Variants in PTPRG observed in about 807,000 individuals in gnomAD.
PTPRG encodes the protein receptor-type tyrosine-protein phosphatase gamma.
In PTPRG, 102 loss-of-function variants were observed where a neutral mutation model predicts 165.3. That is an observed-to-expected ratio of 0.62 (90% CI 0.53 to 0.73). The LOEUF (loss-of-function observed/expected upper bound fraction) is 0.73. PTPRG is among the 30% of genes least tolerant of loss of function. The probability of loss-of-function intolerance (pLI) is 0.00; values close to 1 mark genes in which losing one functional copy is unlikely to be tolerated. For missense variants in PTPRG, 1,866 were observed against 1,861.4 expected, an observed-to-expected ratio of 1.00 and a Z score of -0.05; for synonymous variants, 675 against 669.5, an observed-to-expected ratio of 1.01 and a Z score of -0.13.
At chr3:61,739,855 C>G (rs1277824909) in intron 1 of PTPRG, among the ~76,000 whole-genome samples, 2 of 152,206 alleles carry the variant, frequency 1.3e-5, no homozygotes, top group African/African-American at 4.8e-5. Context: ...TGACTCTTCT[C>G]TAAAGAGCTA....
At chr3:62,062,887 C>A (rs1224550253) in intron 4 of PTPRG, among the ~76,000 whole-genome samples, 1 of 152,160 alleles carries the variant, frequency 6.6e-6, no homozygotes, top group African/African-American at 2.4e-5. Flanking sequence ...CTCCTGAACT[C>A]AAGCTATCTG....
At position 61,561,800 on chromosome 3, in the gene PTPRG, T is replaced by G. The variant is rs1271430793; in HGVS notation, c.-488T>G. On this transcript the variant is annotated 5_prime_UTR_variant, in exon 1 of 30. Transcript: ENST00000474889. ...CCCCTTCCCCTCTCGCAAACATGCCTCCTTCCTTCCCGGGGCCCTGGAAGG... is the reference window on the plus strand; with the variant it reads ...CCCCTTCCCCTCTCGCAAACATGCCGCCTTCCTTCCCGGGGCCCTGGAAGG... 6.7e-6 allele frequency: 1 copy of G among 149,310 alleles called. No homozygotes were observed. Among genetic ancestry groups the G allele is most frequent in the Non-Finnish European group, 1.5e-5 (1 of 67,534 alleles). The allele number at this position is 149,310 out of a possible 1,614,324, so 9.2% of individuals were successfully genotyped here.
rs921060937 is a variant in PTPRG, at chr3:62,169,680, G to A, written c.1033+1517G>A. On this transcript the variant is annotated intron_variant, in intron 8 of 29. Coordinates refer to ENST00000474889, the MANE Select transcript of PTPRG (RefSeq NM_002841.4). ...AAAAGAAGGAATTTTCTTTTGGTGC[G>A]AAAAGGGATATTTCCCAACCCAGTG... is the stretch of plus-strand genomic sequence containing the variant. Among the ~76,000 whole-genome samples the A allele has an allele frequency of 3.3e-5, 5 of 152,204 alleles. 1 individual carries two copies. The highest frequency in any genetic ancestry group is 2.1e-4 in the South Asian group (1 of 4,814).
intron 5 of PTPRG, among the ~76,000 whole-genome samples, chr3:62,110,032 C>A (rs1165210420): frequency 6.8e-6 from 1 of 147,062 alleles, no homozygotes; most frequent in African/African-American, 2.5e-5. Context: ...GGGCCCTCTT[C>A]TGAGTTCTTA....
rs1413332861 is a variant in PTPRG, at chr3:62,237,859, C to T, written c.2376-5948C>T. ...ATACAGATTTGATCAGCTACTATCA[C>T]ACATTACCCTCTGGACTTCCAATCA... On this transcript the variant is annotated intron_variant, in intron 14 of 29. Transcript: ENST00000474889. The surrounding 1 kb of genome is among the most constrained non-coding windows in gnomAD (Gnocchi z 4.5). Among the ~76,000 whole-genome samples, 2 of 152,198 alleles carry T rather than the reference C, an allele frequency of 1.3e-5. No individual in the cohort carries two copies. Among genetic ancestry groups the T allele is most frequent in the East Asian group, 3.9e-4 (2 of 5,188 alleles).
At chr3:62,086,220 A>C (rs1036420859) in intron 5 of PTPRG, among the ~76,000 whole-genome samples, 1 of 151,942 alleles carries the variant, frequency 6.6e-6, no homozygotes, top group Non-Finnish European at 1.5e-5. Context: ...TAACTATCCC[A>C]AAAGAGTCTT....
At chr3:61,857,788 A>G (rs2037154344) in intron 2 of PTPRG, among the ~76,000 whole-genome samples, 1 of 152,090 alleles carries the variant, frequency 6.6e-6, no homozygotes, top group Non-Finnish European at 1.5e-5. Flanking sequence ...TCTGCAATCA[A>G]ATATGGCTTT....
intron 1 of PTPRG, among the ~76,000 whole-genome samples, chr3:61,581,195 C>T (rs1484801008): frequency 6.6e-6 from 1 of 152,198 alleles, no homozygotes; most frequent in Admixed American, 6.5e-5. Context: ...TCAGTTAGTT[C>T]TAGCCTGGAG....
chr3:61,783,592 G>A (rs2034607037), intron 2 of PTPRG, among the ~76,000 whole-genome samples: 1 of 152,160 alleles, frequency 6.6e-6, no homozygotes, highest in Non-Finnish European at 1.5e-5. Flanking sequence ...TGCTGTGGTT[G>A]AGGAGGGTTG....
chr3:61,599,879 C>T (rs1388748026), intron 1 of PTPRG, among the ~76,000 whole-genome samples: 1 of 151,822 alleles, frequency 6.6e-6, no homozygotes, highest in Non-Finnish European at 1.5e-5. Flanking sequence ...AATAGAATGG[C>T]TGGGCAGGGT....
intron 2 of PTPRG, among the ~76,000 whole-genome samples, chr3:61,895,659 G>C (rs1334121111): frequency 6.6e-6 from 1 of 152,160 alleles, no homozygotes; most frequent in South Asian, 2.1e-4. Context: ...AAATATGTTT[G>C]TTGGGCTTCT....
intron 2 of PTPRG, among the ~76,000 whole-genome samples, chr3:61,950,560 G>T (rs1044260775): frequency 3.3e-5 from 5 of 151,470 alleles, no homozygotes; most frequent in African/African-American, 7.3e-5. Context: ...GCCTTAAATG[G>T]TTTTTTTTTA....
At chr3:62,094,838 G>A (rs1440699142) in intron 5 of PTPRG, among the ~76,000 whole-genome samples, 6 of 152,218 alleles carry the variant, frequency 3.9e-5, no homozygotes, top group Admixed American at 3.3e-4. Flanking sequence ...TAGAAGCCCA[G>A]AAGCAGTTCT....
chr3:62,078,764 T>A (rs1044673053), intron 5 of PTPRG, among the ~76,000 whole-genome samples: 1 of 152,222 alleles, frequency 6.6e-6, no homozygotes, highest in Admixed American at 6.5e-5. Flanking sequence ...CCTTCTGTCC[T>A]CTCTTTTAAT....
chr3:62,017,847 T>C (rs1001717532), intron 4 of PTPRG, among the ~76,000 whole-genome samples: 3 of 152,228 alleles, frequency 2.0e-5, no homozygotes, highest in Non-Finnish European at 4.4e-5. Context: ...TTGAGAGCTG[T>C]TAATATGTAC....
At chr3:61,909,376 G>GT (rs2038742626) in intron 2 of PTPRG, among the ~76,000 whole-genome samples, 1 of 152,018 alleles carries the variant, frequency 6.6e-6, no homozygotes. Context: ...TTGAGATAGG[G>GT]TCTCACTCTG....
chr3:61,803,505 G>GTTCATGTTGTCC (rs1575676429), intron 2 of PTPRG, among the ~76,000 whole-genome samples: 1 of 148,012 alleles, frequency 6.8e-6, no homozygotes, highest in African/African-American at 2.5e-5. Context: ...GTCCAACATG[G>GTTCATGTTGTCC]ACAACATGTA....
chr3:61,639,099 G>C (rs1701995969), intron 1 of PTPRG, among the ~76,000 whole-genome samples: 1 of 152,164 alleles, frequency 6.6e-6, no homozygotes, highest in Admixed American at 6.5e-5. Flanking sequence ...GTGAAAGGGA[G>C]GTGTTCACTT....
chr3:62,095,548 G>A (rs898753546), intron 5 of PTPRG, among the ~76,000 whole-genome samples: 1 of 152,296 alleles, frequency 6.6e-6, no homozygotes, highest in Admixed American at 6.5e-5. Context: ...CCAACTGTAT[G>A]CCAAGCACTG....
Sources: gnomAD v4.1 joint callset for allele counts (sites outside exome capture counted in the v4.1 genomes callset) on GRCh38, gnomAD v4.1.1 for gene constraint, Gnocchi (gnomAD v3.1) non-coding constraint, MANE v1.5 for transcripts, NCBI Gene and HGNC (gene_info 2026-07-23, HGNC 2026-07-21) for gene names.